Variants in IFI27L2 observed in about 807,000 individuals in gnomAD.
IFI27L2 encodes the protein interferon alpha inducible protein 27 like 2.
Under a neutral mutation model 7.9 loss-of-function variants are expected in IFI27L2, and 8 were observed. The ratio of observed to expected loss-of-function variants is 1.02; its 90% confidence interval spans 0.60 to 1.84. IFI27L2 has a LOEUF of 1.84. Among genes scored for constraint, IFI27L2 ranks in the 40% most tolerant of loss-of-function variants. IFI27L2 has a pLI of 0.00. For synonymous variants in IFI27L2, 56 were observed against 66.5 expected, an observed-to-expected ratio of 0.84 and a Z score of 0.77; for missense variants, 190 against 165.8, an observed-to-expected ratio of 1.15 and a Z score of -0.80.
chr14:94,128,191 C>T (rs931728468), intron 3 of IFI27L2, among the ~76,000 whole-genome samples, 199 bp from the exon 4 acceptor site: 1 of 152,196 alleles, frequency 6.6e-6, no homozygotes, highest in South Asian at 2.1e-4. Flanking sequence ...ACCCTAAGAG[C>T]TACAGAGCCC....
chr14:94,128,085 T>G (rs1202395820), intron 3 of IFI27L2, 93 bp from the exon 4 acceptor site: 3 of 826,014 alleles, frequency 3.6e-6, no homozygotes, highest in Non-Finnish European at 5.8e-6. Flanking sequence ...ATCCCAGGGC[T>G]CTGCCATGGG....
chr14:94,129,579 G>C lies in IFI27L2; in HGVS notation c.-15C>G, dbSNP rs1217667882. ...TCACTCATCATGGTGAGGCCGTCCGGGTCCCAACTTGGCCCAGGAAATGAC... is the reference window on the plus strand; with the variant it reads ...TCACTCATCATGGTGAGGCCGTCCGCGTCCCAACTTGGCCCAGGAAATGAC... On this transcript the variant is annotated 5_prime_UTR_variant, in exon 1 of 4. Coordinates refer to ENST00000238609, the MANE Select transcript of IFI27L2 (RefSeq NM_032036.3). 2.5e-6 allele frequency: 4 copies of C among 1,613,456 alleles called. No homozygotes were observed. In the African/African-American group the frequency reaches 4.0e-5, roughly 16 times the overall value.
chr14:94,129,560 AT>A lies in IFI27L2; in HGVS notation c.4del (p.Met2Ter). Reference sequence around the variant, plus strand: ...CCCCCTGGGGAAGCAAGACTCACTCATCATGGTGAGGCCGTCCGGGTCCCAA... The same window carrying A: ...CCCCCTGGGGAAGCAAGACTCACTCACATGGTGAGGCCGTCCGGGTCCCAA... M[M>X]KRAAAAAVGG... On this transcript the variant is annotated frameshift_variant, in exon 1 of 4. Transcript: ENST00000238609. LOFTEE classifies it high-confidence loss of function. The A allele has an allele frequency of 6.2e-7, 1 of 1,613,694 alleles. No homozygotes were observed. The highest frequency in any genetic ancestry group is 8.5e-7 in the Non-Finnish European group (1 of 1,179,762).
At chr14:94,129,443 G>T in intron 1 of IFI27L2, 115 bp downstream of exon 1, 2 of 1,174,382 alleles carry the variant, frequency 1.7e-6, no homozygotes, top group Non-Finnish European at 2.5e-6. Flanking sequence ...GAGTCAGTAG[G>T]TCAGCTGGTT....
chr14:94,129,300 A>T lies in IFI27L2; in HGVS notation c.8-9T>A. The stretch of plus-strand genomic sequence containing the variant: ...AGCAGCAGCTGCCCGTTCTAGAGAG[A>T]GAGTGCCAGGGGAAGGCAGAGGGAG... On this transcript the variant is annotated splice_polypyrimidine_tract_variant and intron_variant, in intron 1 of 3. Transcript: ENST00000238609. 1.3e-6 allele frequency: 2 copies of T among 1,525,282 alleles called. No individual in the cohort carries two copies. Among genetic ancestry groups the T allele is most frequent in the Non-Finnish European group, 1.8e-6 (2 of 1,123,704 alleles). The allele number at this position is 1,525,282 out of a possible 1,614,324, so 94.5% of individuals were successfully genotyped here.
intron 2 of IFI27L2, 126 bp from the exon 3 acceptor site, chr14:94,128,801 A>G (rs1367514186): frequency 1.4e-6 from 1 of 726,228 alleles, no homozygotes; most frequent in East Asian, 2.7e-5. Flanking sequence ...AGAGATGGCA[A>G]CTTAGTGGTC....
At chr14:94,129,378 G>GTCA in intron 1 of IFI27L2, 87 bp from the exon 2 acceptor site, 1 of 1,098,066 alleles carries the variant, frequency 9.1e-7, no homozygotes, top group Non-Finnish European at 1.4e-6. Flanking sequence ...GGGAGGGGGA[G>GTCA]GGAAGCAAGG....
chr14:94,129,458 A>C, intron 1 of IFI27L2, 100 bp downstream of exon 1: 1 of 1,249,478 alleles, frequency 8.0e-7, no homozygotes, highest in East Asian at 2.4e-5. Flanking sequence ...CTGGTTGATG[A>C]AGTCAGGGAA....
In IFI27L2 at chr14:94,128,613, C is replaced by T. The variant is rs755537199; in HGVS notation, c.100G>A (p.Ala34Thr). The stretch of plus-strand genomic sequence containing the variant: ...ATCTTGGCTGCTATGGAGGACGCGG[C>T]GATTCCTGCCCCAGTGAAGCCCATG... ...SAMGFTGAGI[A>T]ASSIAAKMMS... The change falls in exon 3 of 4, where the codon GCC (alanine) becomes ACC (threonine). Residue 34 changes from alanine to threonine, a missense_variant. Physicochemically the swap from Ala to Thr is moderately conservative, Grantham distance 58. Coordinates refer to ENST00000238609, the MANE Select transcript of IFI27L2 (RefSeq NM_032036.3). The T allele has an allele frequency of 2.4e-5, 38 of 1,613,946 alleles. No individual in the cohort carries two copies. The highest frequency in any genetic ancestry group is 8.0e-5 in the African/African-American group (6 of 74,932).
Position 94,128,664 on chromosome 14 carries a change from C to T in IFI27L2, c.49G>A (p.Gly17Arg). 1 of 1,612,326 alleles carries T rather than the reference C, an allele frequency of 6.2e-7. No homozygotes were observed. Among genetic ancestry groups the T allele is most frequent in the Non-Finnish European group, 8.5e-7 (1 of 1,179,242 alleles). Residue 17 changes from glycine (G) to arginine (R), a missense_variant, in exon 3 of 4, where the codon GGG becomes AGG. Physicochemically the swap from Gly to Arg is moderately radical, Grantham distance 125 (BLOSUM62 -2). Coordinates refer to ENST00000238609, the MANE Select transcript of IFI27L2 (RefSeq NM_032036.3). ...AAAVGGALAV[G>R]AVPVVLSAMG... ...GCACTGAGCACCACGGGCACAGCCCCCACTGCCAGGGCTGTGGGGAGAGAG... is the reference window on the plus strand; with the variant it reads ...GCACTGAGCACCACGGGCACAGCCCTCACTGCCAGGGCTGTGGGGAGAGAG...
chr14:94,129,380 G>A (rs1001074417), intron 1 of IFI27L2, 89 bp from the exon 2 acceptor site: 15 of 557,950 alleles, frequency 2.7e-5, no homozygotes, highest in South Asian at 6.0e-5. Flanking sequence ...GAGGGGGAGG[G>A]AAGCAAGGAG....
chr14:94,129,461 T>TC (rs1887645521), intron 1 of IFI27L2, 97 bp downstream of exon 1: 1 of 1,256,102 alleles, frequency 8.0e-7, no homozygotes, highest in Non-Finnish European at 1.2e-6. Flanking sequence ...GTTGATGAAG[T>TC]CAGGGAATGA....
At chr14:94,129,449 T>C (rs1887645346) in intron 1 of IFI27L2, 109 bp downstream of exon 1, 1 of 1,197,542 alleles carries the variant, frequency 8.4e-7, no homozygotes, top group East Asian at 2.4e-5. Flanking sequence ...GTAGGTCAGC[T>C]GGTTGATGAA....
Position 94,129,299 on chromosome 14 carries a change from G to C in IFI27L2, c.8-8C>G, listed in dbSNP as rs1253933384. On this transcript the variant is annotated splice_region_variant and splice_polypyrimidine_tract_variant and intron_variant, in intron 1 of 3. Coordinates refer to ENST00000238609, the MANE Select transcript of IFI27L2 (RefSeq NM_032036.3). ...CAGCAGCAGCTGCCCGTTCTAGAGA[G>C]AGAGTGCCAGGGGAAGGCAGAGGGA... The C allele has an allele frequency of 6.2e-7, 1 of 1,602,280 alleles. No individual in the cohort carries two copies. Among genetic ancestry groups the C allele is most frequent in the Middle Eastern group, 1.7e-4 (1 of 6,016 alleles).
At chr14:94,129,144 C>A in intron 2 of IFI27L2, 118 bp downstream of exon 2, 1 of 755,730 alleles carries the variant, frequency 1.3e-6, no homozygotes, top group Non-Finnish European at 2.3e-6. Flanking sequence ...TCAGGCTACT[C>A]GGGCAGCTTC....
At chr14:94,128,121 G>A in intron 3 of IFI27L2, 129 bp from the exon 4 acceptor site, 1 of 638,980 alleles carries the variant, frequency 1.6e-6, no homozygotes, top group South Asian at 2.0e-5. Flanking sequence ...GCAACTAAAA[G>A]ACAGCTCAGG....
At chr14:94,129,186 T>C (rs1209603879) in intron 2 of IFI27L2, 76 bp downstream of exon 2, 2 of 1,221,420 alleles carry the variant, frequency 1.6e-6, no homozygotes, top group Non-Finnish European at 2.4e-6. Context: ...GCCCAGCGCC[T>C]CATCTCTGCG....
In IFI27L2 at chr14:94,127,877, T is replaced by C; in HGVS notation, c.315A>G (p.Lys105=). ...GTACATTTTCTCTTGCCTCATCTTC[T>C]TTAGCCTCGGGTTCAGCTGGGAGAG... is the stretch of plus-strand genomic sequence containing the variant. ...SSSLPAEPEA[K]EDEARENVPQ... The change falls in exon 4 of 4, where the codon AAA becomes AAG. Residue 105 remains lysine, a synonymous_variant. Coordinates refer to ENST00000238609, the MANE Select transcript of IFI27L2 (RefSeq NM_032036.3). 1 of 1,614,122 alleles carries C rather than the reference T, an allele frequency of 6.2e-7. No individual in the cohort carries two copies. The highest frequency in any genetic ancestry group is 8.5e-7 in the Non-Finnish European group (1 of 1,179,952).
chr14:94,129,171 A>G, intron 2 of IFI27L2, 91 bp downstream of exon 2: 1 of 1,014,776 alleles, frequency 9.9e-7, no homozygotes. Context: ...GGAGGGTGAG[A>G]GCCAGCCCAG....
Sources: gnomAD v4.1 joint callset for allele counts (sites outside exome capture counted in the v4.1 genomes callset) on GRCh38, gnomAD v4.1.1 for gene constraint, MANE v1.5 for transcripts, NCBI Gene and HGNC (gene_info 2026-07-23, HGNC 2026-07-21) for gene names.